The following CSMD1 variants were observed in gnomAD, a reference collection of about 807,000 sequenced individuals.
CSMD1 encodes CUB and Sushi multiple domains 1, also known as CUB and sushi domain-containing protein 1.
A neutral mutation model predicts 417.5 loss-of-function variants in CSMD1; 213 were observed. That is an observed-to-expected ratio of 0.51 (90% CI 0.46 to 0.57). CSMD1 has a LOEUF of 0.57. Ranked by LOEUF, CSMD1 falls within the 20% of genes least tolerant of loss-of-function variation. The probability of loss-of-function intolerance (pLI) is 0.00; values close to 1 mark genes in which losing one functional copy is unlikely to be tolerated. For synonymous variants in CSMD1, 2,862 were observed against 1,736.8 expected (o/e 1.65, Z -16.11); for missense variants, 6,923 against 4,529.7 (o/e 1.53, Z -15.17).
At chr8:3,833,761 C>T (rs1013777798) in intron 5 of CSMD1, among the ~76,000 whole-genome samples, 2 of 151,834 alleles carry the variant, frequency 1.3e-5, no homozygotes, top group African/African-American at 4.8e-5. Context: ...AAAATGTGGC[C>T]CTGGTTCTCT....
chr8:3,692,011 C>T (rs1179008858), intron 7 of CSMD1, among the ~76,000 whole-genome samples: 1 of 152,190 alleles, frequency 6.6e-6, no homozygotes, highest in Non-Finnish European at 1.5e-5. Flanking sequence ...TGCTGGGCAT[C>T]TGGTCTCATC....
At chr8:3,482,462 A>G (rs570552734) in intron 11 of CSMD1, among the ~76,000 whole-genome samples, 2 of 152,368 alleles carry the variant, frequency 1.3e-5, no homozygotes, top group African/African-American at 4.8e-5. Context: ...TTGACCCACC[A>G]GAAATATGTA....
At chr8:3,271,246 A>G (rs1801830306) in intron 26 of CSMD1, among the ~76,000 whole-genome samples, 1 of 151,988 alleles carries the variant, frequency 6.6e-6, no homozygotes, top group African/African-American at 2.4e-5. Flanking sequence ...TGTCCCTACA[A>G]AGCACATGAA....
At chr8:3,191,582 G>C (rs2129051314) in intron 33 of CSMD1, among the ~76,000 whole-genome samples, 1 of 152,310 alleles carries the variant, frequency 6.6e-6, no homozygotes, top group African/African-American at 2.4e-5. Flanking sequence ...GGAATGACGT[G>C]TGTGTATCTC....
At chr8:3,384,950 A>G (rs1457839619) in intron 18 of CSMD1, among the ~76,000 whole-genome samples, 1 of 83,464 alleles carries the variant, frequency 1.2e-5, no homozygotes, top group Non-Finnish European at 2.2e-5. Flanking sequence ...ATATATGCAT[A>G]TATAATATAT....
chr8:3,311,576 T>C (rs936562288), intron 23 of CSMD1, among the ~76,000 whole-genome samples: 4 of 152,196 alleles, frequency 2.6e-5, no homozygotes, highest in Admixed American at 1.3e-4. Flanking sequence ...CAAAACAAGC[T>C]TTATGCTAGA....
intron 3 of CSMD1, among the ~76,000 whole-genome samples, chr8:4,225,010 G>A (rs1249086110): frequency 2.0e-5 from 3 of 152,168 alleles, no homozygotes; most frequent in South Asian, 2.1e-4. Flanking sequence ...TATTGGGGAG[G>A]CTGAGGCAAG....
intron 1 of CSMD1, among the ~76,000 whole-genome samples, chr8:4,678,347 G>T (rs1488162411): frequency 1.3e-5 from 2 of 152,094 alleles, no homozygotes; most frequent in Admixed American, 1.3e-4. Flanking sequence ...AGAGGTGGAG[G>T]TTGCAGTGAG....
intron 5 of CSMD1, among the ~76,000 whole-genome samples, chr8:3,976,516 T>C (rs1039579332): frequency 1.2e-4 from 18 of 152,154 alleles, no homozygotes; most frequent in Non-Finnish European, 2.1e-4. Flanking sequence ...ATTTGTTGAA[T>C]AGTCAAATAT....
At chr8:4,049,040 TCAA>T (rs1798290026) in intron 3 of CSMD1, among the ~76,000 whole-genome samples, 2 of 152,176 alleles carry the variant, frequency 1.3e-5, no homozygotes, top group Admixed American at 1.3e-4. Context: ...ACCACCCATC[TCAA>T]CAACTCTCAA....
At chr8:3,774,864 C>T (rs575176055) in intron 5 of CSMD1, among the ~76,000 whole-genome samples, 4 of 152,198 alleles carry the variant, frequency 2.6e-5, no homozygotes, top group African/African-American at 7.2e-5. Flanking sequence ...TGCCTGAAAC[C>T]ACACAGAGTG....
intron 1 of CSMD1, among the ~76,000 whole-genome samples, chr8:4,685,050 T>C (rs752983449): frequency 6.6e-6 from 1 of 152,210 alleles, no homozygotes; most frequent in African/African-American, 2.4e-5. Flanking sequence ...AACATGATTC[T>C]TCTGACCCTT....
intron 5 of CSMD1, among the ~76,000 whole-genome samples, chr8:3,943,230 T>G (rs1014456080): frequency 2.0e-5 from 3 of 152,046 alleles, no homozygotes; most frequent in Non-Finnish European, 1.5e-5. Flanking sequence ...ATTTAACCTT[T>G]GTACAATCAA....
chr8:3,178,278 G>C (rs73183563), intron 37 of CSMD1, among the ~76,000 whole-genome samples: 14,349 of 152,004 alleles, frequency 0.094, 930 homozygotes, highest in Non-Finnish European at 0.13. Context: ...AGGGGGCCTT[G>C]TTTTCATTTC....
intron 26 of CSMD1, chr8:3,278,966 C>A (rs1045949297): frequency 2.0e-5 from 3 of 152,170 alleles, no homozygotes; most frequent in Non-Finnish European, 2.9e-5. Flanking sequence ...TAGGAACCTT[C>A]TTTTCTAAAA....
At chr8:3,614,325 C>T (rs1315298180) in intron 8 of CSMD1, among the ~76,000 whole-genome samples, 3 of 151,978 alleles carry the variant, frequency 2.0e-5, no homozygotes, top group Non-Finnish European at 2.9e-5. Context: ...TATACGTCTG[C>T]ACAACCTAGA....
At chr8:3,157,756 A>G (rs1819623557) in intron 39 of CSMD1, 141 bp downstream of exon 39, 2 of 666,150 alleles carry the variant, frequency 3.0e-6, no homozygotes, top group East Asian at 2.8e-5. Context: ...ATTCTGCTCT[A>G]CTGCATTATG....
At chr8:4,342,950 G>T (rs959303163) in intron 3 of CSMD1, among the ~76,000 whole-genome samples, 1 of 152,096 alleles carries the variant, frequency 6.6e-6, no homozygotes, top group African/African-American at 2.4e-5. Context: ...GTAAGTTTCA[G>T]ACTCTGACAG....
At chr8:4,833,304 G>C (rs1181407117) in intron 1 of CSMD1, among the ~76,000 whole-genome samples, 1 of 152,148 alleles carries the variant, frequency 6.6e-6, no homozygotes, top group Non-Finnish European at 1.5e-5. Flanking sequence ...AGGGCGAATG[G>C]GAAGCAAGCA....
Sources: gnomAD v4.1 joint callset for allele counts (sites outside exome capture counted in the v4.1 genomes callset) on GRCh38, gnomAD v4.1.1 for gene constraint, MANE v1.5 for transcripts, NCBI Gene and HGNC (gene_info 2026-07-23, HGNC 2026-07-21) for gene names.